ELAVL4: variants seen among roughly 807,000 people sequenced by gnomAD.
The protein encoded by ELAVL4 is ELAV like RNA binding protein 4.
Under a neutral mutation model 35.6 loss-of-function variants are expected in ELAVL4, and 1 was observed. The observed-to-expected ratio is 0.03, with a 90% confidence interval of 0.01 to 0.13. ELAVL4 has a LOEUF of 0.13. Among genes scored for constraint, ELAVL4 ranks in the 10% least tolerant of loss-of-function variants. The pLI is 1.00. For missense variants in ELAVL4, 267 were observed against 464.9 expected (o/e 0.57, Z 3.91); for synonymous variants, 156 against 171.0 (o/e 0.91, Z 0.69).
rs1188154908 is a variant in ELAVL4, at chr1:50,203,117, T to C, written c.*1939T>C. The C allele has an allele frequency of 3.9e-5, 6 of 152,252 alleles. No individual in the cohort carries two copies. The highest frequency in any genetic ancestry group is 7.3e-5 in the Non-Finnish European group (5 of 68,030). The allele number at this position is 152,252 out of a possible 1,614,324, so 9.4% of individuals were successfully genotyped here. ...TCGCTATGCATAATCTAGTTGATAG[T>C]TAAATTTGCTATTGCTTTTCTTGTC... On this transcript the variant is annotated 3_prime_UTR_variant, in exon 7 of 7. Transcript: ENST00000371824.
At chr1:50,145,254 A>G in intron 2 of ELAVL4, 57 bp downstream of exon 2, 1 of 1,605,456 alleles carries the variant, frequency 6.2e-7, no homozygotes, top group Non-Finnish European at 8.5e-7. Context: ...CTTAGCAGAA[A>G]TGCACATGTG....
At chr1:50,115,544 A>G (rs1667798684) in intron 1 of ELAVL4, among the ~76,000 whole-genome samples, 1 of 152,106 alleles carries the variant, frequency 6.6e-6, no homozygotes, top group Admixed American at 6.5e-5. Context: ...CTCATTTTAA[A>G]CTATAAAATA....
intron 1 of ELAVL4, among the ~76,000 whole-genome samples, chr1:50,076,914 T>C (rs1664789703): frequency 6.6e-6 from 1 of 152,110 alleles, no homozygotes; most frequent in Non-Finnish European, 1.5e-5. Context: ...CCTGTGCAAG[T>C]CACTCAACTT....
intron 1 of ELAVL4, among the ~76,000 whole-genome samples, chr1:50,054,941 C>T (rs1420252026): frequency 6.6e-6 from 1 of 152,224 alleles, no homozygotes; most frequent in Non-Finnish European, 1.5e-5. Context: ...TTCCAGGTTA[C>T]TGGCTAGCAG....
intron 2 of ELAVL4, among the ~76,000 whole-genome samples, chr1:50,148,091 T>G (rs1674064817): frequency 6.6e-6 from 1 of 152,212 alleles, no homozygotes; most frequent in Admixed American, 6.5e-5. Context: ...TGCTGGATAC[T>G]TGCTAAGCGC....
chr1:50,122,875 A>T (rs1344321255), intron 1 of ELAVL4, among the ~76,000 whole-genome samples: 1 of 152,126 alleles, frequency 6.6e-6, no homozygotes, highest in African/African-American at 2.4e-5. Context: ...CCACATTTTT[A>T]AAAGGATTAA....
At chr1:50,092,300 T>C (rs374502129) in intron 1 of ELAVL4, among the ~76,000 whole-genome samples, 10 of 152,296 alleles carry the variant, frequency 6.6e-5, no homozygotes, top group African/African-American at 1.9e-4. Context: ...CTGAATCTTA[T>C]AGGTGTATGA....
chr1:50,095,262 A>G (rs1171425006), intron 1 of ELAVL4, among the ~76,000 whole-genome samples: 1 of 152,114 alleles, frequency 6.6e-6, no homozygotes, highest in Non-Finnish European at 1.5e-5. Flanking sequence ...TAGACTAGAT[A>G]AGTCCCTTTA....
At chr1:50,134,342 G>A (rs1671540534) in intron 1 of ELAVL4, among the ~76,000 whole-genome samples, 1 of 152,132 alleles carries the variant, frequency 6.6e-6, no homozygotes, top group South Asian at 2.1e-4. Flanking sequence ...CAGTTTGTGG[G>A]CAGTTTTTCA....
chr1:50,093,376 T>C (rs987574340), intron 1 of ELAVL4, among the ~76,000 whole-genome samples: 4 of 152,242 alleles, frequency 2.6e-5, no homozygotes, highest in African/African-American at 9.6e-5. Context: ...CTTGAGAAGA[T>C]TGACCATACT....
intron 1 of ELAVL4, among the ~76,000 whole-genome samples, chr1:50,096,658 C>T (rs1000864573): frequency 6.6e-6 from 1 of 151,806 alleles, no homozygotes. Context: ...CTGCTTTTAA[C>T]CTAAAAAACA....
At chr1:50,050,559 A>G (rs1288920009) in intron 1 of ELAVL4, among the ~76,000 whole-genome samples, 1 of 152,210 alleles carries the variant, frequency 6.6e-6, no homozygotes, top group Non-Finnish European at 1.5e-5. Context: ...GCATAATAGC[A>G]TACCTTCTTC....
upstream of ELAVL4, among the ~76,000 whole-genome samples, chr1:50,100,988 G>GT (rs5774060): frequency 0.99 from 147,854 of 148,980 alleles, 73,366 homozygotes; most frequent in South Asian, 1. Flanking sequence ...CCTCCACCAA[G>GT]TTTTTTTTTT....
chr1:50,068,309 A>G (rs1178532811), intron 1 of ELAVL4, among the ~76,000 whole-genome samples: 1 of 152,168 alleles, frequency 6.6e-6, no homozygotes. Context: ...CCACTTTGGT[A>G]TGGCGGTGGG....
chr1:50,196,228 G>A (rs1644051056), intron 5 of ELAVL4, among the ~76,000 whole-genome samples: 1 of 152,192 alleles, frequency 6.6e-6, no homozygotes, highest in Admixed American at 6.5e-5. Context: ...AGGTAACTCT[G>A]TTGAGTTCAG....
chr1:50,199,914 A>G (rs1454112822), intron 6 of ELAVL4, among the ~76,000 whole-genome samples: 2 of 152,164 alleles, frequency 1.3e-5, no homozygotes, highest in East Asian at 3.9e-4. Flanking sequence ...TCTTTTCAGG[A>G]TTGCACAAAA....
chr1:50,196,186 G>T (rs961620047), intron 5 of ELAVL4, among the ~76,000 whole-genome samples: 1 of 152,246 alleles, frequency 6.6e-6, no homozygotes, highest in African/African-American at 2.4e-5. Context: ...TTGCCAGAAG[G>T]AGTTGTTTTT....
intron 1 of ELAVL4, chr1:50,141,697 C>A (rs1319571740): frequency 1.3e-5 from 2 of 152,284 alleles, no homozygotes; most frequent in Non-Finnish European, 2.9e-5. Context: ...GGTACAACTT[C>A]TATCAGTCCT....
At chr1:50,171,120 A>G (rs538832767) in intron 2 of ELAVL4, among the ~76,000 whole-genome samples, 16 of 152,314 alleles carry the variant, frequency 1.1e-4, no homozygotes, top group Admixed American at 9.2e-4. Context: ...AGTTGGCTGT[A>G]GTAACACTGG....
Sources: gnomAD v4.1 joint callset for allele counts (sites outside exome capture counted in the v4.1 genomes callset) on GRCh38, gnomAD v4.1.1 for gene constraint, MANE v1.5 for transcripts, NCBI Gene and HGNC (gene_info 2026-07-23, HGNC 2026-07-21) for gene names.